TGFBRAP1: variants seen among roughly 807,000 people sequenced by gnomAD.
TGFBRAP1 encodes transforming growth factor-beta receptor-associated protein 1.
In TGFBRAP1, 20 loss-of-function variants were observed where a neutral mutation model predicts 83.2. The observed-to-expected ratio is 0.24, with a 90% CI of 0.17 to 0.35. The LOEUF (loss-of-function observed/expected upper bound fraction) is 0.35, where lower values mean the gene tolerates loss of function less well. TGFBRAP1 is among the 10% of genes least tolerant of loss of function. The pLI, the probability that TGFBRAP1 is intolerant of heterozygous loss-of-function variation, is 1.00. For missense variants in TGFBRAP1, 950 were observed against 1,099.4 expected, an observed-to-expected ratio of 0.86 and a Z score of 1.92; for synonymous variants, 415 against 459.8, an observed-to-expected ratio of 0.90 and a Z score of 1.25.
intron 6 of TGFBRAP1, 86 bp from the exon 7 acceptor site, chr2:105,277,757 TCC>T: frequency 8.0e-7 from 1 of 1,243,026 alleles, no homozygotes; most frequent in Non-Finnish European, 1.2e-6. Flanking sequence ...CAGTCCAAGC[TCC>T]CCATATTCTA....
chr2:105,321,416 C>T (rs1679062832), intron 1 of TGFBRAP1, among the ~76,000 whole-genome samples: 1 of 152,122 alleles, frequency 6.6e-6, no homozygotes, highest in Non-Finnish European at 1.5e-5. Context: ...GATCTGCCCA[C>T]CTCGGCCTTC....
At chr2:105,289,878 A>G (rs913814092) in intron 4 of TGFBRAP1, among the ~76,000 whole-genome samples, 2 of 152,248 alleles carry the variant, frequency 1.3e-5, no homozygotes, top group Non-Finnish European at 2.9e-5. Context: ...AAGAGGCTGT[A>G]TCAATTTAAA....
chr2:105,268,780 G>C (rs1324135998), intron 11 of TGFBRAP1, among the ~76,000 whole-genome samples: 2 of 152,246 alleles, frequency 1.3e-5, no homozygotes, highest in Admixed American at 6.5e-5. Flanking sequence ...TGAGTACAGT[G>C]TGGGGACGAA....
intron 1 of TGFBRAP1, among the ~76,000 whole-genome samples, chr2:105,311,648 C>T (rs2104400754): frequency 6.6e-6 from 1 of 152,146 alleles, no homozygotes; most frequent in Admixed American, 6.5e-5. Context: ...CCTGTAATCC[C>T]ACCATTTTGG....
downstream of TGFBRAP1, among the ~76,000 whole-genome samples, chr2:105,259,468 C>A (rs1471670655): frequency 6.6e-6 from 1 of 152,120 alleles, no homozygotes; most frequent in Non-Finnish European, 1.5e-5. Context: ...GCAGTGGTGA[C>A]CCTCTCAAAA....
In TGFBRAP1 at chr2:105,314,278, T is replaced by A. The variant is rs180881476; in HGVS notation, c.-17-5960A>T. Among the ~76,000 whole-genome samples the A allele has an allele frequency of 6.5e-4, 92 of 141,418 alleles. 1 individual carries two copies. Among genetic ancestry groups the A allele is most frequent in the Admixed American group, 2.4e-3 (34 of 13,948 alleles). The allele number at this position is 141,418 out of a possible 152,430, so 92.8% of individuals were successfully genotyped here. On this transcript the variant is annotated intron_variant, in intron 1 of 11. Transcript: ENST00000393359. ...TTTTTTTTTTTTTTTTTTGAGACAGTCTCGCTCTGTCGCCCAGGCTGGAGT... is the reference window on the plus strand; with the variant it reads ...TTTTTTTTTTTTTTTTTTGAGACAGACTCGCTCTGTCGCCCAGGCTGGAGT...
the TGFBRAP1 span, among the ~76,000 whole-genome samples, chr2:105,257,378 C>T: frequency 6.6e-6 from 1 of 152,002 alleles, no homozygotes; most frequent in African/African-American, 2.4e-5. Flanking sequence ...TCACCACCAT[C>T]AGAACAGAAA....
At chr2:105,308,953 C>T (rs1339826712) in intron 1 of TGFBRAP1, among the ~76,000 whole-genome samples, 1 of 152,186 alleles carries the variant, frequency 6.6e-6, no homozygotes, top group African/African-American at 2.4e-5. Context: ...AAGGCAGGCG[C>T]ATCAGCCTCA....
At chr2:105,325,632 C>A (rs75448695) in intron 1 of TGFBRAP1, among the ~76,000 whole-genome samples, 1 of 152,152 alleles carries the variant, frequency 6.6e-6, no homozygotes, top group African/African-American at 2.4e-5. Flanking sequence ...GCTTCCCCAC[C>A]GTGAGTCTAG....
intron 7 of TGFBRAP1, 92 bp downstream of exon 7, chr2:105,277,511 GCAAAAGTGGTC>G: frequency 9.8e-7 from 1 of 1,025,284 alleles, no homozygotes; most frequent in Non-Finnish European, 1.5e-6. Flanking sequence ...TGTAGATCAG[GCAAAAGTGGTC>G]TCTATCAACT....
the TGFBRAP1 span, among the ~76,000 whole-genome samples, chr2:105,250,583 T>A: frequency 7.0e-6 from 1 of 143,868 alleles, no homozygotes; most frequent in African/African-American, 2.8e-5. Context: ...TCCCTCTCCC[T>A]CCTCTCCCTC....
intron 1 of TGFBRAP1, among the ~76,000 whole-genome samples, chr2:105,316,479 GCACGCGCA>G (rs1483418335): frequency 1.4e-5 from 1 of 69,448 alleles, no homozygotes; most frequent in African/African-American, 5.0e-5. Context: ...GCGCGCGCGC[GCACGCGCA>G]CATAACTCAA....
the TGFBRAP1 span, among the ~76,000 whole-genome samples, chr2:105,258,308 C>T: frequency 6.6e-6 from 1 of 152,132 alleles, no homozygotes; most frequent in Non-Finnish European, 1.5e-5. Context: ...ACGGGATGCC[C>T]AGATTAAACA....
At chr2:105,256,578 C>T in the TGFBRAP1 span, among the ~76,000 whole-genome samples, 2 of 152,078 alleles carry the variant, frequency 1.3e-5, no homozygotes, top group African/African-American at 4.8e-5. Flanking sequence ...GAAGGTATTC[C>T]CTTTATATGA....
chr2:105,323,592 C>T (rs2104422337), intron 1 of TGFBRAP1, among the ~76,000 whole-genome samples: 1 of 152,256 alleles, frequency 6.6e-6, no homozygotes, highest in Non-Finnish European at 1.5e-5. Flanking sequence ...CAAATCACAG[C>T]CTCAAAATTC....
intron 11 of TGFBRAP1, among the ~76,000 whole-genome samples, chr2:105,268,213 C>G (rs1346955617): frequency 6.6e-6 from 1 of 152,226 alleles, no homozygotes; most frequent in African/African-American, 2.4e-5. Context: ...ATTCATCCTG[C>G]ACTCCTTAGT....
At chr2:105,254,891 T>A in the TGFBRAP1 span, among the ~76,000 whole-genome samples, 1 of 152,110 alleles carries the variant, frequency 6.6e-6, no homozygotes, top group African/African-American at 2.4e-5. Flanking sequence ...GGACGCAGCA[T>A]GAAAGGGGCC....
At chr2:105,294,337 T>TGTGTGTGG (rs1553404604) in intron 4 of TGFBRAP1, among the ~76,000 whole-genome samples, 1 of 149,278 alleles carries the variant, frequency 6.7e-6, no homozygotes, top group Admixed American at 6.7e-5. Context: ...TGTGTGTGTG[T>TGTGTGTGG]AAAAGACAAG....
chr2:105,320,840 A>G (rs1350352742), intron 1 of TGFBRAP1, among the ~76,000 whole-genome samples: 1 of 152,224 alleles, frequency 6.6e-6, no homozygotes, highest in Non-Finnish European at 1.5e-5. Flanking sequence ...CTCTCTAGAT[A>G]CCTTTCCAAA....
Sources: allele counts gnomAD v4.1 joint callset (sites outside exome capture counted in the v4.1 genomes callset), GRCh38; gene constraint gnomAD v4.1.1; transcripts MANE v1.5; gene names NCBI Gene and HGNC (gene_info 2026-07-23, HGNC 2026-07-21).